The following CZIB variants were observed in gnomAD, a reference collection of about 807,000 sequenced individuals.
The protein encoded by CZIB is CXXC motif containing zinc binding protein.
Under a neutral mutation model 28.3 loss-of-function variants are expected in CZIB, and 26 were observed. The observed-to-expected ratio is 0.92, with a 90% CI of 0.67 to 1.27. The LOEUF is 1.27. CZIB is among the 50% of genes most tolerant of loss of function. The probability of loss-of-function intolerance (pLI) is 0.00; values close to 1 mark genes in which losing one functional copy is unlikely to be tolerated. For synonymous variants in CZIB, 78 were observed against 71.1 expected (o/e 1.10, Z -0.49); for missense variants, 179 against 197.3 (o/e 0.91, Z 0.56).
intron 2 of CZIB, chr1:53,220,010 G>A (rs1645508722): frequency 6.4e-6 from 3 of 467,184 alleles, no homozygotes; most frequent in Non-Finnish European, 1.1e-5. Context: ...GTAGCATTTC[G>A]TTTAGTGTCC....
chr1:53,218,735 C>G (rs757183059), intron 3 of CZIB, 132 bp downstream of exon 3: 2 of 958,652 alleles, frequency 2.1e-6, no homozygotes, highest in East Asian at 4.9e-5. Context: ...ACACTGACAC[C>G]TACCCTCCCA....
At chr1:53,217,135 C>G in intron 5 of CZIB, 1 of 378,170 alleles carries the variant, frequency 2.6e-6, no homozygotes, top group East Asian at 4.7e-5. Context: ...CCCCTCTGGG[C>G]CCAAGATTCC....
At chr1:53,219,143 T>C (rs1557723019) in intron 2 of CZIB, 2 of 558,804 alleles carry the variant, frequency 3.6e-6, no homozygotes. Context: ...CCCTCCTCTA[T>C]GAAGTGCTCA....
chr1:53,215,921 C>A (rs1038757870), intron 7 of CZIB, 70 bp downstream of exon 7: 19 of 1,503,228 alleles, frequency 1.3e-5, no homozygotes, highest in Non-Finnish European at 1.7e-5. Flanking sequence ...CATTGATGAG[C>A]CTTGTCCACC....
chr1:53,214,479 G>A lies in CZIB; in HGVS notation c.*180C>T, dbSNP rs549196653. The A allele has an allele frequency of 1.1e-4, 62 of 583,102 alleles. No individual in the cohort carries two copies. Among genetic ancestry groups the A allele is most frequent in the African/African-American group, 3.7e-4 (20 of 53,842 alleles). 36.1% of individuals were successfully genotyped at this position (583,102 alleles called of 1,614,324 possible). On this transcript the variant is annotated 3_prime_UTR_variant, in exon 8 of 8. Coordinates refer to ENST00000294360, the MANE Select transcript of CZIB (RefSeq NM_017887.3). ...CTTCACCTTCATGCACCAGTGCAGC[G>A]TGAACAGGGGCTTTATTGATGGGGC...
In CZIB at chr1:53,218,851, G is replaced by T. The variant is rs576000046; in HGVS notation, c.147+16C>A. The T allele has an allele frequency of 1.0e-5, 16 of 1,607,612 alleles. No individual in the cohort carries two copies. The highest frequency in any genetic ancestry group is 8.8e-5 in the South Asian group (8 of 90,920). On this transcript the variant is annotated intron_variant, in intron 3 of 7. Coordinates refer to ENST00000294360, the MANE Select transcript of CZIB (RefSeq NM_017887.3). ...TTGTGAGTGTTTATGTTGGGGGTTGGGCGGGGAACAGTTACCATCAGCCGG... is the reference window on the plus strand; with the variant it reads ...TTGTGAGTGTTTATGTTGGGGGTTGTGCGGGGAACAGTTACCATCAGCCGG...
rs761214937 is a variant in CZIB at position 53,214,487 on chromosome 1, G to A, written c.*172C>T. The A allele has an allele frequency of 1.0e-5, 6 of 595,408 alleles. No individual in the cohort carries two copies. The highest frequency in any genetic ancestry group is 1.8e-5 in the Non-Finnish European group (6 of 334,638). The allele number at this position is 595,408 out of a possible 1,614,324, so 36.9% of individuals were successfully genotyped here. On this transcript the variant is annotated 3_prime_UTR_variant, in exon 8 of 8. Coordinates refer to ENST00000294360, the MANE Select transcript of CZIB (RefSeq NM_017887.3). ...TCATGCACCAGTGCAGCGTGAACAG[G>A]GGCTTTATTGATGGGGCTTGGGAAG...
At chr1:53,216,607 G>A (rs552345521) in intron 6 of CZIB, among the ~76,000 whole-genome samples, 175 bp downstream of exon 6, 59 of 152,318 alleles carry the variant, frequency 3.9e-4, no homozygotes, top group African/African-American at 1.3e-3. Context: ...GTGGTAACAT[G>A]TAAAAATGAT....
intron 2 of CZIB, chr1:53,219,912 A>G (rs112265130): frequency 2.7e-4 from 67 of 251,170 alleles, no homozygotes; most frequent in African/African-American, 1.5e-3. Flanking sequence ...TACGCACAAA[A>G]TTAAACTATT....
chr1:53,220,451 C>G, intron 1 of CZIB, 107 bp from the exon 2 acceptor site: 1 of 1,569,382 alleles, frequency 6.4e-7, no homozygotes, highest in Non-Finnish European at 8.7e-7. Context: ...GACACTCCTT[C>G]TGCCTCCTGC....
Position 53,218,874 on chromosome 1 carries a change from C to A in CZIB, c.140G>T (p.Arg47Leu), listed in dbSNP as rs778342480. 2 of 1,613,056 alleles carry A rather than the reference C, an allele frequency of 1.2e-6. No individual in the cohort carries two copies. Among genetic ancestry groups the A allele is most frequent in the Non-Finnish European group, 1.7e-6 (2 of 1,179,396 alleles). ...TGGGCGGGGAACAGTTACCATCAGC[C>A]GGATGTACTGCCACTTGTCCGAAAT... The part of the protein sequence containing the change: ...GEISDKWQYI[R>L]LMDSVALKGG... The change falls in exon 3 of 8, where the codon CGG becomes CTG. Residue 47 changes from arginine to leucine, a missense_variant. Physicochemically the swap from Arg to Leu is moderately radical, Grantham distance 102. Transcript: ENST00000294360.
At chr1:53,219,075 A>G (rs578225378) in intron 2 of CZIB, 152 bp from the exon 3 acceptor site, 1 of 685,160 alleles carries the variant, frequency 1.5e-6, no homozygotes, top group African/African-American at 1.8e-5. Flanking sequence ...CAAGGACAAA[A>G]CTAGAACTAT....
At chr1:53,215,853 TG>T in intron 7 of CZIB, 137 bp downstream of exon 7, 1 of 793,958 alleles carries the variant, frequency 1.3e-6, no homozygotes, top group Non-Finnish European at 2.2e-6. Flanking sequence ...ACTATACCTG[TG>T]GCCATTTCAA....
At chr1:53,220,377 C>T (rs2100291976) in intron 1 of CZIB, 33 bp from the exon 2 acceptor site, 1 of 1,605,244 alleles carries the variant, frequency 6.2e-7, no homozygotes. Context: ...CTGCGTCAGC[C>T]GTGCCTGCGC....
At chr1:53,215,925 G>T in intron 7 of CZIB, 66 bp downstream of exon 7, 5 of 1,521,026 alleles carry the variant, frequency 3.3e-6, no homozygotes, top group Non-Finnish European at 4.5e-6. Context: ...GATGAGCCTT[G>T]TCCACCAAAA....
intron 3 of CZIB, 43 bp from the exon 4 acceptor site, chr1:53,218,538 A>G (rs373880930): frequency 6.3e-7 from 1 of 1,588,118 alleles, no homozygotes; most frequent in Admixed American, 1.7e-5. Flanking sequence ...TATGAATTAG[A>G]TGTACAGTCC....
chr1:53,219,207 GA>G (rs1430781914), intron 2 of CZIB: 7 of 414,476 alleles, frequency 1.7e-5, no homozygotes, highest in South Asian at 6.6e-5. Flanking sequence ...CAGCGGAGGT[GA>G]GGGGGGGGAA....
At chr1:53,220,371 G>A (rs1248649918) in intron 1 of CZIB, 27 bp from the exon 2 acceptor site, 1 of 1,607,358 alleles carries the variant, frequency 6.2e-7, no homozygotes, top group South Asian at 1.1e-5. Context: ...GAGCGACTGC[G>A]TCAGCCGTGC....
rs1359173502 is a variant in CZIB at position 53,220,185 on chromosome 1, C to T, written c.90+76G>A. 3.1e-6 allele frequency: 4 copies of T among 1,286,888 alleles called. No homozygotes were observed. The African/African-American group carries it at 4.5e-5, about 14-fold the overall frequency. The allele number at this position is 1,286,888 out of a possible 1,614,324, so 79.7% of individuals were successfully genotyped here. On this transcript the variant is annotated intron_variant, in intron 2 of 7. Coordinates refer to ENST00000294360, the MANE Select transcript of CZIB (RefSeq NM_017887.3). The stretch of plus-strand genomic sequence containing the variant: ...GTGCCTGGTTAAATATTTTCTCATA[C>T]TGCCGGAGAGAAGGCTCCGGTTCAG...
Sources: gnomAD v4.1 joint callset for allele counts (sites outside exome capture counted in the v4.1 genomes callset) on GRCh38, gnomAD v4.1.1 for gene constraint, MANE v1.5 for transcripts, NCBI Gene and HGNC (gene_info 2026-07-23, HGNC 2026-07-21) for gene names.